STIM1: variants seen among roughly 807,000 people sequenced by gnomAD.
The protein encoded by STIM1 is stromal interaction molecule 1.
A neutral mutation model predicts 74.7 loss-of-function variants in STIM1; 25 were observed. The ratio of observed to expected loss-of-function variants is 0.33; its 90% confidence interval spans 0.24 to 0.47. The LOEUF (loss-of-function observed/expected upper bound fraction) is 0.47, where lower values mean the gene tolerates loss of function less well. STIM1 is among the 20% of genes least tolerant of loss of function. The pLI is 1.00. For synonymous variants in STIM1, 328 were observed against 348.8 expected (o/e 0.94, Z 0.66); for missense variants, 728 against 920.8 (o/e 0.79, Z 2.71).
At chr11:3,885,461 C>T (rs1590526251) in intron 1 of STIM1, among the ~76,000 whole-genome samples, 2 of 152,218 alleles carry the variant, frequency 1.3e-5, no homozygotes, top group South Asian at 2.1e-4. Flanking sequence ...TTTGGGATTA[C>T]AGGCATGACC....
intron 1 of STIM1, among the ~76,000 whole-genome samples, chr11:3,954,907 A>C (rs573420998): frequency 6.6e-6 from 1 of 152,236 alleles, no homozygotes; most frequent in Non-Finnish European, 1.5e-5. Context: ...ATATTTGCTC[A>C]AGAAAAATGA....
chr11:4,001,373 C>G (rs2093714934), intron 2 of STIM1, among the ~76,000 whole-genome samples: 1 of 152,100 alleles, frequency 6.6e-6, no homozygotes, highest in Admixed American at 6.6e-5. Context: ...GCCCATCAGA[C>G]TAACAGCTGA....
intron 4 of STIM1, among the ~76,000 whole-genome samples, chr11:4,056,427 A>T (rs1197564314): frequency 2.6e-5 from 4 of 152,248 alleles, no homozygotes. Context: ...TTTACTGGGT[A>T]CCTGCTCTGT....
chr11:4,058,952 G>A, intron 4 of STIM1: 1 of 1,145,978 alleles, frequency 8.7e-7, no homozygotes, highest in African/African-American at 1.6e-5. Flanking sequence ...AGGAGGTGGG[G>A]AAAATATGTA....
chr11:3,997,918 C>T (rs1266789259), intron 2 of STIM1, among the ~76,000 whole-genome samples: 2 of 152,166 alleles, frequency 1.3e-5, no homozygotes, highest in Non-Finnish European at 2.9e-5. Flanking sequence ...AATGTCTTGT[C>T]TTAACTATCT....
chr11:4,017,530 A>G (rs943368029), intron 2 of STIM1, among the ~76,000 whole-genome samples: 2 of 152,096 alleles, frequency 1.3e-5, no homozygotes, highest in African/African-American at 4.8e-5. Flanking sequence ...TTGATTTCCT[A>G]TAAGCAGCTG....
intron 3 of STIM1, among the ~76,000 whole-genome samples, chr11:4,046,853 G>C (rs569365280): frequency 2.6e-4 from 39 of 152,144 alleles, no homozygotes; most frequent in African/African-American, 9.1e-4. Context: ...GGAGTCTGCT[G>C]TGTTGCTTAG....
At position 3,858,101 on chromosome 11, in the gene STIM1, T is replaced by C. The variant is rs556834824; in HGVS notation, c.139+1692T>C. 4.6e-5 allele frequency among the ~76,000 whole-genome samples: 7 copies of C among 152,342 alleles called. No individual in the cohort carries two copies. The South Asian group carries it at 1.4e-3, about 32-fold the overall frequency. On this transcript the variant is annotated intron_variant, in intron 1 of 12. Transcript: ENST00000526596. Reference sequence around the variant, plus strand: ...ACATTCCTATTTATAACTGATAATATGTCTTTTTTCACTCCAAAATATGAG... The same window carrying C: ...ACATTCCTATTTATAACTGATAATACGTCTTTTTTCACTCCAAAATATGAG...
At chr11:4,079,471 G>T (rs2094453807) in intron 7 of STIM1, among the ~76,000 whole-genome samples, 1 of 151,660 alleles carries the variant, frequency 6.6e-6, no homozygotes, top group Admixed American at 6.6e-5. Context: ...CTATTCGGGA[G>T]GCTCAGGCAG....
At chr11:4,002,454 C>T (rs999038897) in intron 2 of STIM1, among the ~76,000 whole-genome samples, 8 of 152,208 alleles carry the variant, frequency 5.3e-5, no homozygotes, top group Admixed American at 2.6e-4. Flanking sequence ...TGCTCAATTA[C>T]ATGGAAACTG....
At chr11:4,060,359 G>C (rs2094322164) in intron 5 of STIM1, among the ~76,000 whole-genome samples, 1 of 152,226 alleles carries the variant, frequency 6.6e-6, no homozygotes, top group Admixed American at 6.5e-5. Context: ...CCAGGAAACA[G>C]TCCAGAGAAG....
intron 1 of STIM1, among the ~76,000 whole-genome samples, chr11:3,931,964 G>A (rs977859980): frequency 6.6e-6 from 1 of 152,168 alleles, no homozygotes; most frequent in Admixed American, 6.5e-5. Context: ...TAAGAGGAGG[G>A]TGTTAAGTGA....
chr11:4,083,719 C>A, intron 10 of STIM1: 1 of 582,918 alleles, frequency 1.7e-6, no homozygotes, highest in Non-Finnish European at 3.1e-6. Flanking sequence ...CCCTTTGGGT[C>A]TATTGTGCTA....
intron 1 of STIM1, among the ~76,000 whole-genome samples, chr11:3,895,665 T>C (rs867161509): frequency 2.9e-4 from 10 of 34,480 alleles, no homozygotes; most frequent in Non-Finnish European, 3.8e-4. Context: ...TTTCTTTCTT[T>C]CTTTCTTTCC....
At chr11:3,885,267 C>G (rs923646112) in intron 1 of STIM1, among the ~76,000 whole-genome samples, 1 of 151,876 alleles carries the variant, frequency 6.6e-6, no homozygotes, top group Admixed American at 6.6e-5. Flanking sequence ...CAGCCTTGAC[C>G]TCCCGGGCTC....
chr11:3,886,563 C>T (rs2091712684), intron 1 of STIM1, among the ~76,000 whole-genome samples: 1 of 151,118 alleles, frequency 6.6e-6, no homozygotes. Context: ...TGGCAGGCAC[C>T]TGTAGTCCCA....
At position 3,975,973 on chromosome 11, in the gene STIM1, C is replaced by T. The variant is rs544088900; in HGVS notation, c.270+8291C>T. 6.6e-5 allele frequency among the ~76,000 whole-genome samples: 10 copies of T among 152,322 alleles called. No individual in the cohort carries two copies. The East Asian group carries it at 1.9e-3, about 29-fold the overall frequency. On this transcript the variant is annotated intron_variant, in intron 2 of 12. Coordinates refer to ENST00000526596, the MANE Select transcript of STIM1 (RefSeq NM_001382567.1). Reference sequence around the variant, plus strand: ...AATATATGTCCCAGCAATTCTTCCTCTAGGTATTTACCCTATGAATAAATG... The same window carrying T: ...AATATATGTCCCAGCAATTCTTCCTTTAGGTATTTACCCTATGAATAAATG...
At chr11:3,976,641 C>T (rs1051377421) in intron 2 of STIM1, among the ~76,000 whole-genome samples, 2 of 152,084 alleles carry the variant, frequency 1.3e-5, no homozygotes, top group African/African-American at 2.4e-5. Context: ...TCTATATATC[C>T]AGGAAATCAA....
intron 2 of STIM1, among the ~76,000 whole-genome samples, chr11:3,990,106 T>G (rs1403204591): frequency 6.6e-6 from 1 of 152,256 alleles, no homozygotes; most frequent in East Asian, 1.9e-4. Context: ...TTCTGTAGTT[T>G]TGCCTATTAC....
Sources: allele counts gnomAD v4.1 joint callset (sites outside exome capture counted in the v4.1 genomes callset), GRCh38; gene constraint gnomAD v4.1.1; transcripts MANE v1.5; gene names NCBI Gene and HGNC (gene_info 2026-07-23, HGNC 2026-07-21).